CCDC191: variants seen among roughly 807,000 people sequenced by gnomAD.
CCDC191 encodes the protein coiled-coil domain containing 191.
CCDC191 carries 99 observed loss-of-function variants against 114.0 expected under a neutral mutation model. That is an observed-to-expected ratio of 0.87 (90% confidence interval 0.74 to 1.03). The LOEUF is 1.03. Among genes scored for constraint, CCDC191 ranks in the 50% least tolerant of loss-of-function variants. The pLI is 0.00. For missense variants in CCDC191, 973 were observed against 1,087.0 expected (o/e 0.90, Z 1.47); for synonymous variants, 351 against 376.0 (o/e 0.93, Z 0.77).
intron 13 of CCDC191, among the ~76,000 whole-genome samples, chr3:113,981,943 G>A (rs1034426788): frequency 1.3e-5 from 2 of 152,196 alleles, no homozygotes; most frequent in African/African-American, 4.8e-5. Context: ...ATTTTCTCAT[G>A]CATAGTAAGA....
chr3:114,046,393 T>C (rs1160895054), intron 3 of CCDC191, among the ~76,000 whole-genome samples, 198 bp downstream of exon 3: 1 of 152,176 alleles, frequency 6.6e-6, no homozygotes, highest in Non-Finnish European at 1.5e-5. Flanking sequence ...TGGTTCTAAT[T>C]TGGGAAACAA....
At chr3:113,993,084 G>C (rs1373340056) in intron 13 of CCDC191, among the ~76,000 whole-genome samples, 1 of 152,126 alleles carries the variant, frequency 6.6e-6, no homozygotes, top group Non-Finnish European at 1.5e-5. Flanking sequence ...ATGCAGAAAA[G>C]CATGTGACAA....
At chr3:113,985,581 G>C (rs2107622665) in intron 13 of CCDC191, among the ~76,000 whole-genome samples, 1 of 152,252 alleles carries the variant, frequency 6.6e-6, no homozygotes, top group South Asian at 2.1e-4. Context: ...TCAGAACAGA[G>C]AATGCTCCCC....
At chr3:114,052,288 A>G (rs2076707824) in intron 2 of CCDC191, among the ~76,000 whole-genome samples, 1 of 152,238 alleles carries the variant, frequency 6.6e-6, no homozygotes, top group Non-Finnish European at 1.5e-5. Context: ...GCTGAAAACT[A>G]TATGAAAACG....
At chr3:113,975,086 A>G (rs536905142) in intron 16 of CCDC191, among the ~76,000 whole-genome samples, 13 of 152,298 alleles carry the variant, frequency 8.5e-5, no homozygotes, top group African/African-American at 2.9e-4. Context: ...ATATGCATGT[A>G]TGCATTTTCT....
intron 8 of CCDC191, among the ~76,000 whole-genome samples, chr3:114,012,136 C>T (rs756359570): frequency 2.0e-5 from 3 of 152,148 alleles, no homozygotes; most frequent in Admixed American, 1.3e-4. Context: ...ACCATTTCTA[C>T]AGTTCTTAAA....
intron 16 of CCDC191, among the ~76,000 whole-genome samples, chr3:113,972,225 T>G (rs1940895561): frequency 6.6e-6 from 1 of 152,150 alleles, no homozygotes; most frequent in Admixed American, 6.5e-5. Context: ...AACTTCTCTC[T>G]TAAAAGAAGT....
rs1017507109 is a variant in CCDC191, at chr3:114,044,748, T to C, written c.271+1843A>G. The stretch of plus-strand genomic sequence containing the variant: ...ATAATTCACACCTACTAAATAACAT[T>C]CATTGGTAAATGGGGATTTACTGTG... On this transcript the variant is annotated intron_variant, in intron 3 of 16. Coordinates refer to ENST00000295878, the MANE Select transcript of CCDC191 (RefSeq NM_020817.2). 5.3e-5 allele frequency among the ~76,000 whole-genome samples: 8 copies of C among 152,314 alleles called. No homozygotes were observed. The South Asian group carries it at 6.2e-4, about 12-fold the overall frequency.
intron 9 of CCDC191, 149 bp from the exon 10 acceptor site, chr3:114,006,111 C>T: frequency 1.4e-6 from 1 of 731,024 alleles, no homozygotes; most frequent in South Asian, 1.5e-5. Context: ...CTGGCTACCT[C>T]AGAGGCCACC....
chr3:113,967,888 A>G (rs1940377748), intron 16 of CCDC191, among the ~76,000 whole-genome samples: 1 of 152,026 alleles, frequency 6.6e-6, no homozygotes, highest in South Asian at 2.1e-4. Flanking sequence ...AAGAACATGT[A>G]TTTGTCTTTC....
upstream of CCDC191, chr3:114,056,533 G>A (rs772783475): frequency 1.3e-5 from 21 of 1,610,808 alleles, no homozygotes; most frequent in East Asian, 2.0e-4. Context: ...GGCTGCCTCC[G>A]GGTCACGCTG....
chr3:113,967,276 C>A (rs1022864851), intron 16 of CCDC191, among the ~76,000 whole-genome samples: 1 of 152,180 alleles, frequency 6.6e-6, no homozygotes, highest in African/African-American at 2.4e-5. Context: ...TGGCTACACT[C>A]CTGTTCTCTG....
At chr3:113,992,966 TG>T (rs1439107574) in intron 13 of CCDC191, among the ~76,000 whole-genome samples, 2 of 152,212 alleles carry the variant, frequency 1.3e-5, no homozygotes, top group Non-Finnish European at 2.9e-5. Context: ...TATGATCAAG[TG>T]GGAGTTATCC....
At chr3:114,009,058 T>C (rs2076022395) in intron 9 of CCDC191, among the ~76,000 whole-genome samples, 1 of 152,042 alleles carries the variant, frequency 6.6e-6, no homozygotes, top group South Asian at 2.1e-4. Context: ...TATCTAAACA[T>C]AGAAAAGGTA....
At chr3:114,007,021 A>G (rs929766200) in intron 9 of CCDC191, among the ~76,000 whole-genome samples, 15 of 152,324 alleles carry the variant, frequency 9.8e-5, no homozygotes, top group African/African-American at 3.1e-4. Flanking sequence ...GCATTACATA[A>G]GAATAATGTT....
intron 13 of CCDC191, among the ~76,000 whole-genome samples, chr3:113,987,326 C>T (rs2075396666): frequency 6.6e-6 from 1 of 152,098 alleles, no homozygotes; most frequent in Non-Finnish European, 1.5e-5. Flanking sequence ...CTTAGCTCTA[C>T]ACAAAGAAAT....
rs111740588 is a variant in CCDC191, at chr3:114,044,184, A to G, written c.272-1338T>C. Among the ~76,000 whole-genome samples the G allele has an allele frequency of 5.1e-3, 780 of 152,250 alleles. 9 individuals are homozygous for G. The highest frequency in any genetic ancestry group is 0.017 in the African/African-American group (708 of 41,542). On this transcript the variant is annotated intron_variant, in intron 3 of 16. Coordinates refer to ENST00000295878, the MANE Select transcript of CCDC191 (RefSeq NM_020817.2). ...AGTGGATGAAATTACCAAAGGAGGA[A>G]GGTAGACACAGAGGAGGTTCAAGGA...
chr3:113,976,754 T>C (rs1441344039), intron 16 of CCDC191, among the ~76,000 whole-genome samples: 2 of 152,170 alleles, frequency 1.3e-5, no homozygotes, highest in African/African-American at 2.4e-5. Flanking sequence ...ATAGGTTCTG[T>C]TGCTATCCTC....
At chr3:113,975,281 T>G (rs1215327023) in intron 16 of CCDC191, among the ~76,000 whole-genome samples, 1 of 152,234 alleles carries the variant, frequency 6.6e-6, no homozygotes, top group African/African-American at 2.4e-5. Context: ...AGAATCATCT[T>G]TCTCGATGTT....
Sources: gnomAD v4.1 joint callset for allele counts (sites outside exome capture counted in the v4.1 genomes callset) on GRCh38, gnomAD v4.1.1 for gene constraint, MANE v1.5 for transcripts, NCBI Gene and HGNC (gene_info 2026-07-23, HGNC 2026-07-21) for gene names.